Variants in PCDH15 observed in about 807,000 individuals in gnomAD.
PCDH15 encodes protocadherin-15.
A neutral mutation model predicts 178.5 loss-of-function variants in PCDH15; 129 were observed. That is an observed-to-expected ratio of 0.72 (90% CI 0.63 to 0.84). PCDH15 has a LOEUF of 0.84. Ranked by LOEUF, PCDH15 falls within the 40% of genes least tolerant of loss-of-function variation. PCDH15 has a pLI of 0.00. For synonymous variants in PCDH15, 800 were observed against 732.0 expected (o/e 1.09, Z -1.50); for missense variants, 2,230 against 2,099.9 (o/e 1.06, Z -1.21).
chr10:54,520,922 G>A (rs1240705564), intron 3 of PCDH15, among the ~76,000 whole-genome samples: 1 of 151,832 alleles, frequency 6.6e-6, no homozygotes, highest in Non-Finnish European at 1.5e-5. Context: ...TAGGGACACG[G>A]ATGAAACGAA....
chr10:54,678,201 C>T lies in PCDH15; in HGVS notation c.-28-13911G>A, dbSNP rs572332455. Among the ~76,000 whole-genome samples the T allele has an allele frequency of 4.6e-5, 7 of 152,126 alleles. No homozygotes were observed. The South Asian group carries it at 1.4e-3, about 31-fold the overall frequency. ...ATATTTATATATGCACAAAGGGTTT[C>T]TTAAATGCACATGTACCTTTAAAGT... On this transcript the variant is annotated intron_variant, in intron 1 of 37. Coordinates refer to ENST00000644397, the MANE Select transcript of PCDH15 (RefSeq NM_001384140.1).
chr10:54,387,964 A>T (rs531326391), intron 3 of PCDH15, among the ~76,000 whole-genome samples: 4 of 152,228 alleles, frequency 2.6e-5, no homozygotes, highest in African/African-American at 7.2e-5. Context: ...GTTACCAAGG[A>T]CTTGGGGAGG....
chr10:53,860,300 A>G (rs997283751), intron 27 of PCDH15, among the ~76,000 whole-genome samples: 1 of 152,154 alleles, frequency 6.6e-6, no homozygotes, highest in Non-Finnish European at 1.5e-5. Context: ...TCGATTTCTC[A>G]GCCTTCTTTG....
intron 2 of PCDH15, among the ~76,000 whole-genome samples, chr10:54,633,822 A>G (rs2134748105): frequency 6.6e-6 from 1 of 152,212 alleles, no homozygotes; most frequent in Admixed American, 6.6e-5. Flanking sequence ...CTCTGCAATA[A>G]CCATGGAGAA....
At position 55,051,200 on chromosome 10, in the gene PCDH15, C is replaced by T. The variant is rs77882904; in HGVS notation, c.-80+115376G>A. On this transcript the variant is annotated intron_variant, in intron 2 of 5. Coordinates refer to the PCDH15 transcript ENST00000458638. The stretch of plus-strand genomic sequence containing the variant: ...TTATTATAATGATATATTAAAAATG[C>T]AAACAGAACTATTTAAGAAATAACC... Among the ~76,000 whole-genome samples, 329 of 152,074 alleles carry T rather than the reference C, an allele frequency of 2.2e-3. 1 individual carries two copies. Among genetic ancestry groups the T allele is most frequent in the African/African-American group, 7.5e-3 (310 of 41,514 alleles).
intron 1 of PCDH15, among the ~76,000 whole-genome samples, chr10:55,294,118 G>T (rs1399226434): frequency 6.6e-6 from 1 of 152,124 alleles, no homozygotes; most frequent in Admixed American, 6.5e-5. Flanking sequence ...TACATGGATG[G>T]CAGCAGGCAA....
intron 2 of PCDH15, among the ~76,000 whole-genome samples, chr10:54,598,828 C>A (rs2092370574): frequency 1.3e-5 from 2 of 152,170 alleles, no homozygotes; most frequent in South Asian, 4.1e-4. Context: ...TATACATCAA[C>A]AACAGCCAAG....
chr10:55,273,627 C>T (rs1842507189), intron 1 of PCDH15, among the ~76,000 whole-genome samples: 1 of 151,866 alleles, frequency 6.6e-6, no homozygotes, highest in African/African-American at 2.4e-5. Flanking sequence ...TTTAAAGCTG[C>T]TAAGTTATTA....
intron 20 of PCDH15, among the ~76,000 whole-genome samples, chr10:54,011,470 C>T (rs1310928851): frequency 6.6e-6 from 1 of 152,148 alleles, no homozygotes; most frequent in Non-Finnish European, 1.5e-5. Flanking sequence ...GAACATAAAG[C>T]CTGAGCTTGC....
intron 2 of PCDH15, among the ~76,000 whole-genome samples, chr10:55,099,406 A>G (rs1407061051): frequency 1.3e-5 from 2 of 152,106 alleles, no homozygotes; most frequent in East Asian, 3.8e-4. Flanking sequence ...TACAATTACT[A>G]AAAGAAAAAA....
chr10:55,052,118 C>T (rs1429646651), intron 2 of PCDH15, among the ~76,000 whole-genome samples: 4 of 150,088 alleles, frequency 2.7e-5, no homozygotes, highest in Admixed American at 1.3e-4. Flanking sequence ...GACAGACTCT[C>T]GCTCAGTTGC....
chr10:54,328,601 G>T (rs185870036), intron 7 of PCDH15, among the ~76,000 whole-genome samples: 1 of 152,104 alleles, frequency 6.6e-6, no homozygotes, highest in Admixed American at 6.6e-5. Context: ...GATGTTGGAT[G>T]GGAGAAAACT....
At chr10:54,188,882 G>T (rs144884576) in intron 11 of PCDH15, among the ~76,000 whole-genome samples, 1 of 151,900 alleles carries the variant, frequency 6.6e-6, no homozygotes, top group East Asian at 1.9e-4. Context: ...GCATATACAA[G>T]AGCATACATA....
chr10:53,922,161 C>A (rs1203167432), intron 25 of PCDH15, among the ~76,000 whole-genome samples: 1 of 152,008 alleles, frequency 6.6e-6, no homozygotes, highest in East Asian at 1.9e-4. Flanking sequence ...CATGTCACAA[C>A]CTACAATCCC....
In PCDH15 at chr10:54,965,103, G is replaced by C. The variant is rs141170600; in HGVS notation, c.-79-67603C>G. Among the ~76,000 whole-genome samples the C allele has an allele frequency of 3.4e-3, 513 of 152,280 alleles. 3 individuals are homozygous for C. Among genetic ancestry groups the C allele is most frequent in the African/African-American group, 0.012 (499 of 41,554 alleles). On this transcript the variant is annotated intron_variant, in intron 2 of 5. Coordinates refer to the PCDH15 transcript ENST00000458638. ...ACATATTAATCTAAGCATAATCACTGTAAGTTCTGACCCATTCATGGGCAA... is the reference window on the plus strand; with the variant it reads ...ACATATTAATCTAAGCATAATCACTCTAAGTTCTGACCCATTCATGGGCAA...
intron 20 of PCDH15, among the ~76,000 whole-genome samples, chr10:54,012,130 A>G (rs1471839080): frequency 2.0e-5 from 3 of 152,174 alleles, no homozygotes; most frequent in Non-Finnish European, 4.4e-5. Flanking sequence ...ACACACTACA[A>G]GAGTTTTATA....
chr10:54,979,321 A>C (rs1168363745), intron 2 of PCDH15, among the ~76,000 whole-genome samples: 1 of 152,174 alleles, frequency 6.6e-6, no homozygotes, highest in Non-Finnish European at 1.5e-5. Context: ...TCTCTTGTGA[A>C]AAGAAGCTGG....
rs926322929 is a variant in PCDH15 at position 54,014,866 on chromosome 10, C to A, written c.2751+5326G>T. On this transcript the variant is annotated intron_variant, in intron 20 of 37. Coordinates refer to ENST00000644397, the MANE Select transcript of PCDH15 (RefSeq NM_001384140.1). Reference sequence around the variant, plus strand: ...AAAAGAGAAACGAGATAAGGATGTCCTCTCTTATTGCCACTCATCATAGTA... The same window carrying A: ...AAAAGAGAAACGAGATAAGGATGTCATCTCTTATTGCCACTCATCATAGTA... Among the ~76,000 whole-genome samples, 6 of 152,206 alleles carry A rather than the reference C, an allele frequency of 3.9e-5. No homozygotes were observed. The East Asian group carries it at 1.2e-3, about 29-fold the overall frequency.
At chr10:55,230,897 A>G (rs1841196887) in intron 1 of PCDH15, among the ~76,000 whole-genome samples, 1 of 152,062 alleles carries the variant, frequency 6.6e-6, no homozygotes, top group Non-Finnish European at 1.5e-5. Context: ...GTTAATGGTC[A>G]TACATTGAAA....
Sources: allele counts gnomAD v4.1 joint callset (sites outside exome capture counted in the v4.1 genomes callset), GRCh38; gene constraint gnomAD v4.1.1; transcripts MANE v1.5; gene names NCBI Gene and HGNC (gene_info 2026-07-23, HGNC 2026-07-21).